Variants in CA10 observed in about 807,000 individuals in gnomAD.
CA10 encodes carbonic anhydrase-related protein 10.
A neutral mutation model predicts 44.2 loss-of-function variants in CA10; 14 were observed. That is an observed-to-expected ratio of 0.32 (90% CI 0.21 to 0.50). The LOEUF (loss-of-function observed/expected upper bound fraction) is 0.50. Among genes scored for constraint, CA10 ranks in the 20% least tolerant of loss-of-function variants. The pLI is 0.99. For missense variants in CA10, 350 were observed against 409.7 expected, an observed-to-expected ratio of 0.85 and a Z score of 1.26; for synonymous variants, 159 against 141.6, an observed-to-expected ratio of 1.12 and a Z score of -0.87.
At chr17:51,733,739 G>T (rs375413443) in intron 4 of CA10, among the ~76,000 whole-genome samples, 51 of 152,256 alleles carry the variant, frequency 3.3e-4, no homozygotes, top group East Asian at 1.5e-3. Context: ...AGGAGTTGGA[G>T]GTGACAGAAT....
At chr17:51,741,466 A>T (rs1904457088) in intron 4 of CA10, among the ~76,000 whole-genome samples, 1 of 152,182 alleles carries the variant, frequency 6.6e-6, no homozygotes, top group Non-Finnish European at 1.5e-5. Context: ...TGCTTTGGGT[A>T]GCCTTCATAT....
intron 3 of CA10, among the ~76,000 whole-genome samples, chr17:51,830,423 T>C (rs1908194158): frequency 6.8e-6 from 1 of 147,732 alleles, no homozygotes; most frequent in East Asian, 2.0e-4. Context: ...GTATTGGACT[T>C]AAAAAAAAAA....
At chr17:51,986,153 A>T (rs1984829715) in intron 2 of CA10, among the ~76,000 whole-genome samples, 1 of 152,144 alleles carries the variant, frequency 6.6e-6, no homozygotes. Context: ...TGATATAAAA[A>T]TAGGCACATA....
chr17:51,716,139 T>C (rs1916105975), intron 4 of CA10, among the ~76,000 whole-genome samples: 1 of 152,200 alleles, frequency 6.6e-6, no homozygotes, highest in South Asian at 2.1e-4. Context: ...ATAACTACTA[T>C]ACAAAACGCT....
At chr17:51,843,860 G>A (rs1236235548) in intron 3 of CA10, among the ~76,000 whole-genome samples, 1 of 152,088 alleles carries the variant, frequency 6.6e-6, no homozygotes, top group East Asian at 1.9e-4. Flanking sequence ...TTACAGAAAA[G>A]TAAATTCACA....
chr17:51,732,200 G>A (rs1916745510), intron 4 of CA10, among the ~76,000 whole-genome samples: 1 of 152,228 alleles, frequency 6.6e-6, no homozygotes, highest in African/African-American at 2.4e-5. Context: ...CAGAAACGAA[G>A]GAGAGGGAGA....
intron 1 of CA10, among the ~76,000 whole-genome samples, chr17:52,088,698 T>G (rs1051566182): frequency 6.6e-6 from 1 of 152,196 alleles, no homozygotes; most frequent in African/African-American, 2.4e-5. Flanking sequence ...ATTTTCCCCC[T>G]CAAACAATAG....
At chr17:51,716,897 A>G (rs1342657603) in intron 4 of CA10, among the ~76,000 whole-genome samples, 2 of 152,216 alleles carry the variant, frequency 1.3e-5, no homozygotes, top group African/African-American at 4.8e-5. Context: ...TCAAGTTTAT[A>G]GTCTTCTGAG....
intron 1 of CA10, among the ~76,000 whole-genome samples, chr17:52,102,614 CCCAAA>C (rs1484302275): frequency 6.6e-6 from 1 of 152,184 alleles, no homozygotes; most frequent in East Asian, 1.9e-4. Context: ...AACTACATAA[CCCAAA>C]CCAATCAGAT....
intron 1 of CA10, among the ~76,000 whole-genome samples, chr17:52,093,361 T>C (rs1271222411): frequency 6.6e-6 from 1 of 152,182 alleles, no homozygotes; most frequent in Non-Finnish European, 1.5e-5. Context: ...GTTTTCTTGC[T>C]CACATTCATA....
At chr17:51,725,880 C>G (rs554473019) in intron 4 of CA10, among the ~76,000 whole-genome samples, 3 of 152,132 alleles carry the variant, frequency 2.0e-5, no homozygotes, top group Admixed American at 1.3e-4. Flanking sequence ...AGACAGGAAC[C>G]CTGAACTGTC....
chr17:51,806,050 A>G (rs1907122724), intron 3 of CA10, among the ~76,000 whole-genome samples: 1 of 152,196 alleles, frequency 6.6e-6, no homozygotes, highest in Non-Finnish European at 1.5e-5. Flanking sequence ...GCACTTAATG[A>G]GCAAGGGTGA....
At chr17:52,006,079 C>T (rs1326147593) in intron 2 of CA10, among the ~76,000 whole-genome samples, 2 of 151,804 alleles carry the variant, frequency 1.3e-5, no homozygotes, top group Non-Finnish European at 2.9e-5. Context: ...AGAGATGATG[C>T]TGAAGGCACA....
At chr17:51,680,100 G>A (rs28506086) in intron 4 of CA10, among the ~76,000 whole-genome samples, 18,612 of 150,970 alleles carry the variant, frequency 0.12, 2,632 homozygotes, top group African/African-American at 0.34. Context: ...CCCTTCACTG[G>A]AAAAAAAAAT....
chr17:51,783,183 C>A (rs537228187), intron 3 of CA10, among the ~76,000 whole-genome samples: 3 of 152,082 alleles, frequency 2.0e-5, no homozygotes, highest in African/African-American at 7.2e-5. Flanking sequence ...ATTTCAGGGA[C>A]AATGATAAGC....
intron 2 of CA10, among the ~76,000 whole-genome samples, chr17:52,065,662 C>A (rs1987516945): frequency 6.6e-6 from 1 of 152,274 alleles, no homozygotes; most frequent in South Asian, 2.1e-4. Flanking sequence ...CTTCTAGTTC[C>A]TTTCAGGTAA....
intron 3 of CA10, among the ~76,000 whole-genome samples, chr17:51,831,722 A>AGCGGCAGCGGCG (rs1173587707): frequency 6.9e-6 from 1 of 145,696 alleles, no homozygotes; most frequent in Non-Finnish European, 1.5e-5. Context: ...CAGCAGCAGC[A>AGCGGCAGCGGCG]GCAGCAGCAG....
At chr17:52,116,076 G>A (rs933724970) in intron 1 of CA10, among the ~76,000 whole-genome samples, 6 of 138,818 alleles carry the variant, frequency 4.3e-5, no homozygotes, top group Non-Finnish European at 9.1e-5. Flanking sequence ...TGGCAACTCA[G>A]CGAGACTCTG....
intron 1 of CA10, among the ~76,000 whole-genome samples, chr17:52,083,401 C>A (rs1441177622): frequency 6.6e-6 from 1 of 152,090 alleles, no homozygotes; most frequent in Admixed American, 6.5e-5. Flanking sequence ...CGAATTATTT[C>A]ATCTCTTTTT....
Sources: gnomAD v4.1 joint callset for allele counts (sites outside exome capture counted in the v4.1 genomes callset) on GRCh38, gnomAD v4.1.1 for gene constraint, MANE v1.5 for transcripts, NCBI Gene and HGNC (gene_info 2026-07-23, HGNC 2026-07-21) for gene names.